Variants in L3MBTL4 observed in about 807,000 individuals in gnomAD.
The protein encoded by L3MBTL4 is L3MBTL histone methyl-lysine binding protein 4.
Under a neutral mutation model 84.5 loss-of-function variants are expected in L3MBTL4, and 70 were observed. That is an observed-to-expected ratio of 0.83 (90% confidence interval 0.68 to 1.01). L3MBTL4 has a LOEUF of 1.01. Among genes scored for constraint, L3MBTL4 ranks in the 50% least tolerant of loss-of-function variants. The pLI, the probability that L3MBTL4 is intolerant of heterozygous loss-of-function variation, is 0.00. For synonymous variants in L3MBTL4, 274 were observed against 259.8 expected, an observed-to-expected ratio of 1.05 and a Z score of -0.52; for missense variants, 715 against 754.8, an observed-to-expected ratio of 0.95 and a Z score of 0.62.
chr18:6,158,251 T>C (rs1217515445), intron 13 of L3MBTL4, among the ~76,000 whole-genome samples: 3 of 152,240 alleles, frequency 2.0e-5, no homozygotes, highest in Non-Finnish European at 4.4e-5. Context: ...TTACATATTG[T>C]ATTTTGCACT....
Position 6,281,531 on chromosome 18 carries a change from G to C in L3MBTL4, c.128-17493C>G, listed in dbSNP as rs1341336402. 1.6e-4 allele frequency among the ~76,000 whole-genome samples: 24 copies of C among 152,294 alleles called. No homozygotes were observed. In the East Asian group the frequency reaches 4.4e-3, roughly 28 times the overall value. Reference sequence around the variant, plus strand: ...TTTCCCCCAAGGTTTACTTGTGGCAGTAATGTCTTATTTCATGGACCAATT... The same window carrying C: ...TTTCCCCCAAGGTTTACTTGTGGCACTAATGTCTTATTTCATGGACCAATT... On this transcript the variant is annotated intron_variant, in intron 4 of 18. Coordinates refer to ENST00000317931, the MANE Select transcript of L3MBTL4 (RefSeq NM_001330559.2).
intron 3 of L3MBTL4, among the ~76,000 whole-genome samples, chr18:6,311,073 T>A (rs2050805733): frequency 1.3e-5 from 2 of 152,152 alleles, no homozygotes. Context: ...TTCAGACGTG[T>A]CAGCCCCCAC....
At chr18:6,319,056 G>A (rs985202293) in intron 1 of L3MBTL4, among the ~76,000 whole-genome samples, 2 of 151,954 alleles carry the variant, frequency 1.3e-5, no homozygotes, top group Admixed American at 1.3e-4. Flanking sequence ...AAACCAAGAT[G>A]GAAATTTAAA....
rs552627085 is a variant in L3MBTL4, at chr18:6,244,603, G to A, written c.220-15C>T. The A allele has an allele frequency of 5.2e-6, 8 of 1,534,356 alleles. No homozygotes were observed. The East Asian group carries it at 1.1e-4, about 22-fold the overall frequency. On this transcript the variant is annotated splice_polypyrimidine_tract_variant and intron_variant, in intron 5 of 18. Coordinates refer to ENST00000317931, the MANE Select transcript of L3MBTL4 (RefSeq NM_001330559.2). ...AAGGACTGATCCTACAAAATTTCACGACATAACATTAGCCACTGAGATTTC... is the reference window on the plus strand; with the variant it reads ...AAGGACTGATCCTACAAAATTTCACAACATAACATTAGCCACTGAGATTTC...
At chr18:6,389,567 T>C (rs1000325717) in intron 1 of L3MBTL4, among the ~76,000 whole-genome samples, 4 of 152,130 alleles carry the variant, frequency 2.6e-5, no homozygotes, top group Non-Finnish European at 4.4e-5. Context: ...CCATCTAACA[T>C]GTAAGAATTC....
At chr18:6,233,199 C>T (rs550541651) in intron 10 of L3MBTL4, among the ~76,000 whole-genome samples, 1 of 151,626 alleles carries the variant, frequency 6.6e-6, no homozygotes, top group East Asian at 1.9e-4. Flanking sequence ...TATAACAAAC[C>T]CACAGCCAAT....
chr18:6,299,181 A>G (rs2050229004), intron 4 of L3MBTL4, among the ~76,000 whole-genome samples: 5 of 152,222 alleles, frequency 3.3e-5, no homozygotes. Context: ...TAGAATTACT[A>G]TGAAGAGTTT....
At chr18:5,958,125 AAGAAAAAGAAG>A (rs2095242146) in intron 18 of L3MBTL4, among the ~76,000 whole-genome samples, 1 of 46,860 alleles carries the variant, frequency 2.1e-5, no homozygotes, top group Non-Finnish European at 4.3e-5. Context: ...GAAGAAGAAG[AAGAAAAAGAAG>A]AAGAAGAAGA....
intron 16 of L3MBTL4, among the ~76,000 whole-genome samples, chr18:5,977,215 G>A (rs560902338): frequency 6.6e-5 from 10 of 152,196 alleles, no homozygotes; most frequent in African/African-American, 1.2e-4. Flanking sequence ...CCTCCCAGGC[G>A]GGCATGTGCC....
chr18:6,323,016 G>A (rs1452049580), intron 1 of L3MBTL4, among the ~76,000 whole-genome samples: 2 of 152,096 alleles, frequency 1.3e-5, no homozygotes, highest in Non-Finnish European at 2.9e-5. Flanking sequence ...TTGTTTAAAA[G>A]TGTGTAGCAC....
intron 18 of L3MBTL4, among the ~76,000 whole-genome samples, chr18:5,958,549 T>G (rs560923765): frequency 3.7e-4 from 57 of 152,286 alleles, no homozygotes; most frequent in African/African-American, 1.3e-3. Flanking sequence ...ATGGGTTTGA[T>G]CCTCCTGATA....
At chr18:6,233,533 G>C (rs2047086097) in intron 10 of L3MBTL4, among the ~76,000 whole-genome samples, 1 of 150,208 alleles carries the variant, frequency 6.7e-6, no homozygotes, top group Admixed American at 6.6e-5. Context: ...ATAACAGACA[G>C]AGAGCCAAAT....
chr18:6,224,084 G>T (rs1436170433), intron 10 of L3MBTL4, among the ~76,000 whole-genome samples: 1 of 151,914 alleles, frequency 6.6e-6, no homozygotes, highest in Non-Finnish European at 1.5e-5. Flanking sequence ...TTATAAAATA[G>T]TACGAATATA....
chr18:6,110,503 C>T (rs2059157417), intron 14 of L3MBTL4, among the ~76,000 whole-genome samples: 1 of 147,114 alleles, frequency 6.8e-6, no homozygotes, highest in African/African-American at 2.5e-5. Context: ...TGTGGTTGTA[C>T]ACGTGTGCGG....
intron 17 of L3MBTL4, among the ~76,000 whole-genome samples, chr18:5,965,763 C>G (rs1407170140): frequency 6.6e-6 from 1 of 152,136 alleles, no homozygotes; most frequent in African/African-American, 2.4e-5. Flanking sequence ...TGTGTGAGGA[C>G]ATGGAAAGAA....
At chr18:6,141,687 T>C (rs1291318983) in intron 13 of L3MBTL4, among the ~76,000 whole-genome samples, 1 of 152,190 alleles carries the variant, frequency 6.6e-6, no homozygotes, top group Non-Finnish European at 1.5e-5. Flanking sequence ...ACCTACCAAC[T>C]TATCTTCATC....
intron 16 of L3MBTL4, among the ~76,000 whole-genome samples, chr18:6,012,547 G>A (rs1425952229): frequency 6.6e-6 from 1 of 152,102 alleles, no homozygotes; most frequent in African/African-American, 2.4e-5. Flanking sequence ...GTAAGAGTCT[G>A]GGCGCAGTGG....
chr18:6,119,403 G>A (rs1255294409), intron 14 of L3MBTL4, among the ~76,000 whole-genome samples: 1 of 152,118 alleles, frequency 6.6e-6, no homozygotes, highest in Non-Finnish European at 1.5e-5. Context: ...ACATCAGTTT[G>A]CTGCTTAACA....
chr18:6,102,701 G>A (rs2058872889), intron 14 of L3MBTL4, among the ~76,000 whole-genome samples: 1 of 152,204 alleles, frequency 6.6e-6, no homozygotes, highest in Non-Finnish European at 1.5e-5. Flanking sequence ...TGCAGCTGGT[G>A]CACACAGAAA....
Sources: allele counts gnomAD v4.1 joint callset (sites outside exome capture counted in the v4.1 genomes callset), GRCh38; gene constraint gnomAD v4.1.1; transcripts MANE v1.5; gene names NCBI Gene and HGNC (gene_info 2026-07-23, HGNC 2026-07-21).